The following NWD2 variants were observed in gnomAD, a reference collection of about 807,000 sequenced individuals.
NWD2 encodes NACHT and WD repeat domain-containing protein 2.
In NWD2, 37 loss-of-function variants were observed where a neutral mutation model predicts 132.7. The observed-to-expected ratio is 0.28, with a 90% CI of 0.21 to 0.37. The LOEUF is 0.37. Among genes scored for constraint, NWD2 ranks in the 10% least tolerant of loss-of-function variants. The pLI is 1.00. For synonymous variants in NWD2, 705 were observed against 803.0 expected (o/e 0.88, Z 2.06); for missense variants, 1,592 against 2,122.4 (o/e 0.75, Z 4.91).
intron 3 of NWD2, among the ~76,000 whole-genome samples, chr4:37,429,377 C>T (rs1309796379): frequency 6.6e-6 from 1 of 152,070 alleles, no homozygotes; most frequent in African/African-American, 2.4e-5. Context: ...TGCAGTGGCG[C>T]AATCTTGGCT....
chr4:37,382,603 A>G (rs1160173012), intron 3 of NWD2, among the ~76,000 whole-genome samples: 2 of 152,072 alleles, frequency 1.3e-5, no homozygotes, highest in African/African-American at 4.8e-5. Flanking sequence ...TAGCCTCCCA[A>G]TGCTGCAGTG....
chr4:37,365,526 G>A (rs939391920), intron 3 of NWD2, among the ~76,000 whole-genome samples: 2 of 152,078 alleles, frequency 1.3e-5, no homozygotes, highest in South Asian at 2.1e-4. Flanking sequence ...CAGGTATTTT[G>A]CTCATATAGT....
chr4:37,401,163 C>G lies in NWD2; in HGVS notation c.358-29409C>G, dbSNP rs1720888537. On this transcript the variant is annotated intron_variant, in intron 3 of 6. Coordinates refer to ENST00000309447, the MANE Select transcript of NWD2 (RefSeq NM_001144990.2). ...TTTGTATAGCCATTTTTCACTTATC[C>G]AGTCCCTAAACTTATCTGTGCTCTC... Among the ~76,000 whole-genome samples the G allele has an allele frequency of 1.3e-5, 2 of 152,118 alleles. 1 individual carries two copies. The highest frequency in any genetic ancestry group is 1.3e-4 in the Admixed American group (2 of 15,276).
intron 3 of NWD2, among the ~76,000 whole-genome samples, chr4:37,374,064 G>A (rs1168024223): frequency 1.3e-5 from 2 of 152,210 alleles, no homozygotes; most frequent in Non-Finnish European, 2.9e-5. Context: ...GTTGAAATGT[G>A]ATCCCCAGTA....
chr4:37,383,159 CT>C (rs1560409164), intron 3 of NWD2, among the ~76,000 whole-genome samples: 1 of 152,202 alleles, frequency 6.6e-6, no homozygotes, highest in East Asian at 1.9e-4. Context: ...CAGTAGCAGT[CT>C]TTTAGGAAGA....
At chr4:37,355,894 T>A (rs1267585574) in intron 2 of NWD2, among the ~76,000 whole-genome samples, 1 of 152,170 alleles carries the variant, frequency 6.6e-6, no homozygotes, top group African/African-American at 2.4e-5. Flanking sequence ...AGTGTGATAA[T>A]GACAGGGCTT....
intron 3 of NWD2, among the ~76,000 whole-genome samples, chr4:37,420,885 G>A (rs1286322194): frequency 6.6e-6 from 1 of 152,134 alleles, no homozygotes; most frequent in African/African-American, 2.4e-5. Context: ...AGAATTTATT[G>A]AATGAATCCT....
intron 3 of NWD2, among the ~76,000 whole-genome samples, chr4:37,362,332 G>A (rs1719997139): frequency 6.6e-6 from 1 of 151,974 alleles, no homozygotes; most frequent in Admixed American, 6.6e-5. Context: ...AACTTATATG[G>A]AACCAAAAAA....
intron 3 of NWD2, among the ~76,000 whole-genome samples, chr4:37,403,348 G>C (rs534222346): frequency 6.6e-6 from 1 of 152,278 alleles, no homozygotes; most frequent in African/African-American, 2.4e-5. Context: ...TGTTGTAATA[G>C]GTTTTTGAAT....
intron 2 of NWD2, among the ~76,000 whole-genome samples, chr4:37,353,827 C>T (rs1044775862): frequency 6.6e-6 from 1 of 152,054 alleles, no homozygotes; most frequent in East Asian, 1.9e-4. Flanking sequence ...TATTACCCAT[C>T]TTCCGAAGCC....
At chr4:37,311,120 G>A (rs1242247606) in intron 1 of NWD2, among the ~76,000 whole-genome samples, 32 of 151,942 alleles carry the variant, frequency 2.1e-4, no homozygotes, top group Non-Finnish European at 3.7e-4. Context: ...TTATAGCAGC[G>A]TGATTTATAG....
intron 3 of NWD2, among the ~76,000 whole-genome samples, chr4:37,376,939 C>T (rs1365598490): frequency 1.3e-5 from 2 of 152,122 alleles, no homozygotes; most frequent in Non-Finnish European, 1.5e-5. Context: ...TACATATCTA[C>T]TGTATTGGGC....
intron 1 of NWD2, among the ~76,000 whole-genome samples, chr4:37,305,295 A>C (rs1718689804): frequency 6.6e-6 from 1 of 152,208 alleles, no homozygotes; most frequent in South Asian, 2.1e-4. Flanking sequence ...GTTGCTGCCA[A>C]GGTCCCTGAA....
chr4:37,278,712 A>G (rs1246347210), intron 1 of NWD2, among the ~76,000 whole-genome samples: 7 of 152,184 alleles, frequency 4.6e-5, no homozygotes, highest in Non-Finnish European at 1.0e-4. Context: ...GCCATTTATC[A>G]GTGTGATGAA....
At chr4:37,269,391 A>G (rs1717823226) in intron 1 of NWD2, among the ~76,000 whole-genome samples, 1 of 151,882 alleles carries the variant, frequency 6.6e-6, no homozygotes, top group South Asian at 2.1e-4. Flanking sequence ...TCTTTTTATG[A>G]GATAAGATTT....
At chr4:37,398,429 G>A (rs1329498210) in intron 3 of NWD2, among the ~76,000 whole-genome samples, 8 of 152,246 alleles carry the variant, frequency 5.3e-5, no homozygotes, top group African/African-American at 1.4e-4. Context: ...GGAGGGGAAC[G>A]TCACACACTG....
At chr4:37,425,167 A>C (rs1021000363) in intron 3 of NWD2, among the ~76,000 whole-genome samples, 6 of 147,792 alleles carry the variant, frequency 4.1e-5, no homozygotes, top group Admixed American at 4.0e-4. Context: ...TGAAATTCAT[A>C]CAACATAAAA....
At position 37,244,809 on chromosome 4, in the gene NWD2, C is replaced by A. The variant is rs970204617; in HGVS notation, c.-259C>A. On this transcript the variant is annotated 5_prime_UTR_variant, in exon 1 of 7. Transcript: ENST00000309447. The surrounding 1 kb of genome is among the most constrained non-coding windows in gnomAD (Gnocchi z 5.5). The stretch of plus-strand genomic sequence containing the variant: ...CGCTCCAGCTGGCTGCTGCTCGGAG[C>A]CCTAGCAGCGGGCGAAGGCGGAGGC... The A allele has an allele frequency of 2.1e-6, 1 of 469,030 alleles. No individual in the cohort carries two copies. Among genetic ancestry groups the A allele is most frequent in the Non-Finnish European group, 3.8e-6 (1 of 266,002 alleles). 29.1% of individuals were successfully genotyped at this position (469,030 alleles called of 1,614,324 possible).
intron 1 of NWD2, among the ~76,000 whole-genome samples, chr4:37,315,015 T>G (rs1718930714): frequency 6.6e-6 from 1 of 152,160 alleles, no homozygotes; most frequent in African/African-American, 2.4e-5. Flanking sequence ...GCATGAGTAA[T>G]AATGTCAAAT....
Sources: allele counts gnomAD v4.1 joint callset (sites outside exome capture counted in the v4.1 genomes callset), GRCh38; gene constraint gnomAD v4.1.1; non-coding constraint Gnocchi (gnomAD v3.1); transcripts MANE v1.5; gene names NCBI Gene and HGNC (gene_info 2026-07-23, HGNC 2026-07-21).